Variants in CCP110 observed in about 807,000 individuals in gnomAD.
CCP110 encodes centriolar coiled-coil protein 110.
A neutral mutation model predicts 105.5 loss-of-function variants in CCP110; 43 were observed. That is an observed-to-expected ratio of 0.41 (90% CI 0.32 to 0.53). CCP110 has a LOEUF of 0.53. Ranked by LOEUF, CCP110 falls within the 20% of genes least tolerant of loss-of-function variation. The pLI is 0.32. For synonymous variants in CCP110, 353 were observed against 392.1 expected (o/e 0.90, Z 1.18); for missense variants, 1,016 against 1,189.1 (o/e 0.85, Z 2.14).
At chr16:19,545,254 G>C in intron 10 of CCP110, 44 bp downstream of exon 10, 1 of 1,120,752 alleles carries the variant, frequency 8.9e-7, no homozygotes, top group Non-Finnish European at 1.3e-6. Flanking sequence ...TCTGGGTTTA[G>C]GGTAATTGAT....
chr16:19,551,810 G>A (rs1361972399), exon 15 of CCP110: 1 of 152,356 alleles, frequency 6.6e-6, no homozygotes, highest in Non-Finnish European at 1.5e-5. Flanking sequence ...AGAAGTTAAT[G>A]TGGGTCACCA....
intron 14 of CCP110, among the ~76,000 whole-genome samples, chr16:19,550,764 T>A (rs191326997): frequency 6.6e-6 from 1 of 152,244 alleles, no homozygotes; most frequent in African/African-American, 2.4e-5. Context: ...TATTTATAGT[T>A]TTACAAACCT....
intron 4 of CCP110, among the ~76,000 whole-genome samples, chr16:19,539,670 A>G (rs1970208847): frequency 6.6e-6 from 1 of 151,868 alleles, no homozygotes; most frequent in Non-Finnish European, 1.5e-5. Context: ...GTGCAACTTT[A>G]TAAGAGCTCT....
intron 11 of CCP110, chr16:19,546,154 T>C (rs143739723): frequency 1.2e-4 from 63 of 525,970 alleles, no homozygotes; most frequent in African/African-American, 8.7e-4. Context: ...AATCTTTATA[T>C]TCAGTGCCTA....
intron 2 of CCP110, among the ~76,000 whole-genome samples, chr16:19,531,573 A>C (rs952966908): frequency 6.6e-6 from 1 of 152,272 alleles, no homozygotes; most frequent in African/African-American, 2.4e-5. Flanking sequence ...TGTTTATTTT[A>C]TCATTAAACC....
Position 19,548,342 on chromosome 16 carries a change from T to C in CCP110, c.2901-173T>C. ...AACAGAGTATGACTCGTGCTTATAG[T>C]CTCCTGCTGAAGCCAGAGTTTAGCT... On this transcript the variant is annotated intron_variant, in intron 13 of 14. Coordinates refer to ENST00000381396, the Ensembl canonical transcript of CCP110. This position sits in a 1 kb window ranked among gnomAD's most constrained non-coding sequence, Gnocchi z 4.1. 1.7e-6 allele frequency: 1 copy of C among 586,362 alleles called. No homozygotes were observed. The allele number at this position is 586,362 out of a possible 1,614,324, so 36.3% of individuals were successfully genotyped here.
chr16:19,537,393 A>C (rs775552163), exon 4 of CCP110: 2 of 1,613,332 alleles, frequency 1.2e-6, no homozygotes, highest in Non-Finnish European at 1.7e-6. Context: ...GGAAATGAAC[A>C]ATTTTTGGAT....
chr16:19,545,756 T>C, intron 10 of CCP110, 61 bp from the exon 11 acceptor site: 3 of 845,778 alleles, frequency 3.5e-6, no homozygotes, highest in Non-Finnish European at 6.1e-6. Flanking sequence ...TTATAATACA[T>C]TATAATATAG....
chr16:19,524,082 G>C (rs928081417), exon 1 of CCP110: 5 of 153,406 alleles, frequency 3.3e-5, no homozygotes, highest in African/African-American at 1.2e-4. Context: ...GGGCCGTGGG[G>C]GATCAGGTGT....
In CCP110 at chr16:19,548,401, CT is replaced by C. The variant is rs1316901886; in HGVS notation, c.2901-110del. 3 of 701,962 alleles carry C rather than the reference CT, an allele frequency of 4.3e-6. No homozygotes were observed. Among genetic ancestry groups the C allele is most frequent in the African/African-American group, 3.6e-5 (2 of 55,632 alleles). The allele number at this position is 701,962 out of a possible 1,614,324, so 43.5% of individuals were successfully genotyped here. A position where few individuals can be genotyped will look rare whatever the true frequency, so the allele number is the denominator to read the frequency against. ...TGTGCGCATGCATGAGACTTCAGTT[CT>C]TTTCAAGCTTATTTGTGCTTTGGAC... On this transcript the variant is annotated intron_variant, in intron 13 of 14. Transcript: ENST00000381396. The surrounding 1 kb of genome is among the most constrained non-coding windows in gnomAD (Gnocchi z 4.1).
intron 3 of CCP110, among the ~76,000 whole-genome samples, chr16:19,534,311 C>G (rs1037666819): frequency 1.3e-5 from 2 of 152,044 alleles, no homozygotes; most frequent in Non-Finnish European, 2.9e-5. Context: ...AAATATACTA[C>G]TAATAAAATT....
At chr16:19,551,556 A>G (rs1050005490) in exon 15 of CCP110, 2 of 270,986 alleles carry the variant, frequency 7.4e-6, no homozygotes, top group East Asian at 1.4e-4. Context: ...TGTAAATGTC[A>G]AGGACATTTG....
Position 19,530,403 on chromosome 16 carries a change from C to T in CCP110, c.142-2013C>T, listed in dbSNP as rs571613204. The stretch of plus-strand genomic sequence containing the variant: ...GGAATTCTTTGAAGATAGGGCTGGG[C>T]GGGGTGGCTCATGCCTGTAATCCCA... On this transcript the variant is annotated intron_variant, in intron 2 of 14. Transcript: ENST00000381396. Among the ~76,000 whole-genome samples the T allele has an allele frequency of 3.9e-5, 6 of 152,058 alleles. 1 individual carries two copies. Among genetic ancestry groups the T allele is most frequent in the Admixed American group, 2.0e-4 (3 of 15,270 alleles).
chr16:19,551,510 T>G (rs868792105), exon 15 of CCP110: 1 of 450,696 alleles, frequency 2.2e-6, no homozygotes. Flanking sequence ...AACATAAGTT[T>G]ATTTTATATG....
At position 19,548,329 on chromosome 16, in the gene CCP110, C is replaced by T; in HGVS notation, c.2901-186C>T. On this transcript the variant is annotated intron_variant, in intron 13 of 14. Coordinates refer to ENST00000381396, the Ensembl canonical transcript of CCP110. The surrounding 1 kb of genome is among the most constrained non-coding windows in gnomAD (Gnocchi z 4.1). The stretch of plus-strand genomic sequence containing the variant: ...GAAGTGATTCTCCAACAGAGTATGA[C>T]TCGTGCTTATAGTCTCCTGCTGAAG... 2 of 586,132 alleles carry T rather than the reference C, an allele frequency of 3.4e-6. No homozygotes were observed. The highest frequency in any genetic ancestry group is 3.3e-5 in the Admixed American group (1 of 30,570). The allele number at this position is 586,132 out of a possible 1,614,324, so 36.3% of individuals were successfully genotyped here. A position where few individuals can be genotyped will look rare whatever the true frequency, so the allele number is the denominator to read the frequency against.
chr16:19,548,457 A>T lies in CCP110; in HGVS notation c.2901-58A>T. 1 of 1,119,676 alleles carries T rather than the reference A, an allele frequency of 8.9e-7. No homozygotes were observed. Among genetic ancestry groups the T allele is most frequent in the Non-Finnish European group, 1.3e-6 (1 of 779,018 alleles). The allele number at this position is 1,119,676 out of a possible 1,614,324, so 69.4% of individuals were successfully genotyped here. On this transcript the variant is annotated intron_variant, in intron 13 of 14. Transcript: ENST00000381396. This position sits in a 1 kb window ranked among gnomAD's most constrained non-coding sequence, Gnocchi z 4.1. ...GATGCAATGTGATTGCTTTCTTTGA[A>T]TTTTGAACATTTAGACCTTAATGCC...
chr16:19,524,114 GC>G (rs1288177916), intron 1 of CCP110, 26 bp downstream of exon 1: 1 of 153,300 alleles, frequency 6.5e-6, no homozygotes, highest in Non-Finnish European at 1.5e-5. Context: ...GGGGGCTTGA[GC>G]CTTGACGGGT....
chr16:19,527,753 A>G (rs1969722660), intron 1 of CCP110, 114 bp from the exon 2 acceptor site: 1 of 687,912 alleles, frequency 1.5e-6, no homozygotes, highest in Admixed American at 3.7e-5. Flanking sequence ...TTCTGGGAGG[A>G]CCAGTTATAG....
At chr16:19,546,084 T>C (rs1405628679) in intron 11 of CCP110, 194 bp downstream of exon 11, 1 of 551,540 alleles carries the variant, frequency 1.8e-6, no homozygotes, top group African/African-American at 1.9e-5. Flanking sequence ...TGAATTTATT[T>C]ACTAAATTTG....
Sources: allele counts gnomAD v4.1 joint callset (sites outside exome capture counted in the v4.1 genomes callset), GRCh38; gene constraint gnomAD v4.1.1; non-coding constraint Gnocchi (gnomAD v3.1); transcripts MANE v1.5; gene names NCBI Gene and HGNC (gene_info 2026-07-23, HGNC 2026-07-21).